The following ATG16L1 variants were observed in gnomAD, a reference collection of about 807,000 sequenced individuals.
ATG16L1 encodes autophagy-related protein 16-1.
In ATG16L1, 37 loss-of-function variants were observed where a neutral mutation model predicts 88.5. That is an observed-to-expected ratio of 0.42 (90% CI 0.32 to 0.55). ATG16L1 has a LOEUF of 0.55. Among genes scored for constraint, ATG16L1 ranks in the 20% least tolerant of loss-of-function variants. ATG16L1 has a pLI of 0.13. For missense variants in ATG16L1, 554 were observed against 752.8 expected (o/e 0.74, Z 3.09); for synonymous variants, 301 against 281.0 (o/e 1.07, Z -0.71).
At chr2:233,257,309 T>A (rs943981860) in intron 2 of ATG16L1, among the ~76,000 whole-genome samples, 1 of 151,886 alleles carries the variant, frequency 6.6e-6, no homozygotes, top group Non-Finnish European at 1.5e-5. Context: ...GATTACAGGC[T>A]TGAGCCACCG....
At chr2:233,254,792 A>G (rs1380463662) in intron 1 of ATG16L1, among the ~76,000 whole-genome samples, 1 of 152,072 alleles carries the variant, frequency 6.6e-6, no homozygotes, top group African/African-American at 2.4e-5. Context: ...TTCTCTTTTC[A>G]GGTATCAAAA....
rs2125297605 is a variant in ATG16L1 at position 233,290,449 on chromosome 2, G to T, written c.1430+96G>T. The T allele has an allele frequency of 8.0e-6, 8 of 1,003,998 alleles. No individual in the cohort carries two copies. The South Asian group carries it at 1.1e-4, about 13-fold the overall frequency. 62.2% of individuals were successfully genotyped at this position (1,003,998 alleles called of 1,614,324 possible). A position where few individuals can be genotyped will look rare whatever the true frequency, so the allele number is the denominator to read the frequency against. ...GCTTTTAAGATCTCAGGACATGGCA[G>T]AAATGAGTTTCGGTACACGTATAGT... On this transcript the variant is annotated intron_variant, in intron 14 of 17. Coordinates refer to ENST00000392017, the MANE Select transcript of ATG16L1 (RefSeq NM_030803.7).
intron 1 of ATG16L1, among the ~76,000 whole-genome samples, chr2:233,255,809 T>TA (rs1696737539): frequency 6.6e-6 from 1 of 152,228 alleles, no homozygotes; most frequent in Non-Finnish European, 1.5e-5. Flanking sequence ...TATGTCAACT[T>TA]ATGGTAAAGT....
At chr2:233,290,758 C>T (rs1329277009) in intron 14 of ATG16L1, among the ~76,000 whole-genome samples, 2 of 152,120 alleles carry the variant, frequency 1.3e-5, no homozygotes, top group African/African-American at 4.8e-5. Context: ...ATTCACACGG[C>T]AGGAAAGCCA....
At position 233,289,963 on chromosome 2, in the gene ATG16L1, G is replaced by A. The variant is rs1384387635; in HGVS notation, c.1313G>A (p.Arg438His). Residue 438 changes from arginine (R) to histidine (H), a missense_variant, in exon 13 of 18, where the codon CGC becomes CAC. Arg to His is a conservative substitution (Grantham distance 29). Coordinates refer to ENST00000392017, the MANE Select transcript of ATG16L1 (RefSeq NM_030803.7). ...HDRTLKLWDL[R>H]SKVCIKTVFA... The stretch of plus-strand genomic sequence containing the variant: ...CGGACTCTCAAACTCTGGGATCTAC[G>A]CAGCAAAGTCTGTGAGGAAATTCAG... 12 of 1,613,812 alleles carry A rather than the reference G, an allele frequency of 7.4e-6. No homozygotes were observed. The Admixed American group carries it at 1.3e-4, about 18-fold the overall frequency.
chr2:233,261,043 C>G (rs1697173041), intron 2 of ATG16L1, among the ~76,000 whole-genome samples: 1 of 152,222 alleles, frequency 6.6e-6, no homozygotes, highest in Admixed American at 6.5e-5. Context: ...GCAACCTCCG[C>G]CTTCCGGGTT....
intron 9 of ATG16L1, chr2:233,275,321 A>G (rs1223508043): frequency 1.3e-5 from 3 of 222,696 alleles, no homozygotes; most frequent in East Asian, 2.1e-4. Context: ...CAGCTGGGGT[A>G]GTTGAGCAGA....
chr2:233,256,182 A>G lies in ATG16L1; in HGVS notation c.196A>G (p.Arg66Gly). ...LQAEKHDVPN[R>G]HEISPGHDGT... ...GGCTGAAAAGCATGACGTACCAAAC[A>G]GGCACGAGATAAGGTATTTTGAAAC... Residue 66 changes from arginine to glycine, a missense_variant, in exon 2 of 18, where the codon AGG becomes GGG. Around this residue, in one of 5 missense-constraint regions of ATG16L1, gnomAD observed 101 missense variants for 107.0 expected, o/e 0.94. Coordinates refer to ENST00000392017, the MANE Select transcript of ATG16L1 (RefSeq NM_030803.7). 6 of 1,613,764 alleles carry G rather than the reference A, an allele frequency of 3.7e-6. No homozygotes were observed. The highest frequency in any genetic ancestry group is 4.2e-6 in the Non-Finnish European group (5 of 1,179,648).
rs1288204811 is a variant in ATG16L1, at chr2:233,264,977, A to G, written c.475A>G (p.Asn159Asp). Residue 159 changes from asparagine to aspartate, a missense_variant, in exon 5 of 18, where the codon AAC becomes GAC. Physicochemically the swap from Asn to Asp is conservative, Grantham distance 23. Coordinates refer to ENST00000392017, the MANE Select transcript of ATG16L1 (RefSeq NM_030803.7). ...RTKLCDLERA[N>D]QTLKDEYDAL... is the part of the protein sequence containing the mutation. ...TAAGCTTTGTGACCTTGAAAGAGCC[A>G]ACCAGACCCTGAAGGATGAATATGA... 1 of 1,614,074 alleles carries G rather than the reference A, an allele frequency of 6.2e-7. No homozygotes were observed. Among genetic ancestry groups the G allele is most frequent in the Non-Finnish European group, 8.5e-7 (1 of 1,180,028 alleles).
chr2:233,274,064 G>A lies in ATG16L1; in HGVS notation c.851+287G>A. 5.2e-6 allele frequency: 8 copies of A among 1,545,958 alleles called. No individual in the cohort carries two copies. In the South Asian group the frequency reaches 9.5e-5, roughly 18 times the overall value. The stretch of plus-strand genomic sequence containing the variant: ...CAGGTGAAACTATTATCCTCTCTTA[G>A]TCCAGCATGTGAGTGTGGGTCCTTA... On this transcript the variant is annotated intron_variant, in intron 8 of 17. Coordinates refer to ENST00000392017, the MANE Select transcript of ATG16L1 (RefSeq NM_030803.7).
rs1181170391 is a variant in ATG16L1, at chr2:233,295,073, T to A, written c.*723T>A. 6.6e-6 allele frequency: 1 copy of A among 152,522 alleles called. No individual in the cohort carries two copies. Among genetic ancestry groups the A allele is most frequent in the Non-Finnish European group, 1.5e-5 (1 of 68,056 alleles). The allele number at this position is 152,522 out of a possible 1,614,324, so 9.4% of individuals were successfully genotyped here. On this transcript the variant is annotated 3_prime_UTR_variant, in exon 18 of 18. Transcript: ENST00000392017. ...GGTTCGCTGCAGAGGTAAGGATGTG[T>A]TCCTGTATCGATCTGCAGACACCCA... is the stretch of plus-strand genomic sequence containing the variant.
At chr2:233,252,025 A>G in intron 1 of ATG16L1, 83 bp downstream of exon 1, 3 of 1,215,840 alleles carry the variant, frequency 2.5e-6, no homozygotes, top group Non-Finnish European at 2.2e-6. Context: ...CCTGAGGCCG[A>G]GTCCCTGGCG....
intron 13 of ATG16L1, 30 bp from the exon 14 acceptor site, chr2:233,290,218 C>T (rs1393636213): frequency 6.2e-7 from 1 of 1,607,618 alleles, no homozygotes; most frequent in East Asian, 2.2e-5. Context: ...GGTGCCTCTG[C>T]TTGATTAATG....
intron 14 of ATG16L1, among the ~76,000 whole-genome samples, chr2:233,291,665 C>G (rs929839845): frequency 6.6e-6 from 1 of 152,086 alleles, no homozygotes; most frequent in African/African-American, 2.4e-5. Flanking sequence ...CTTTCCTGGC[C>G]CCATATCTGG....
Position 233,263,286 on chromosome 2 carries a change from G to T in ATG16L1, c.315+51G>T, listed in dbSNP as rs770632538. ...GTCTTCTGCCCTCTATGAGAGTCCT[G>T]TGGGGAGCGGGGGAGCTCAGTCACT... On this transcript the variant is annotated intron_variant, in intron 3 of 17. Coordinates refer to ENST00000392017, the MANE Select transcript of ATG16L1 (RefSeq NM_030803.7). 5.2e-6 allele frequency: 8 copies of T among 1,538,992 alleles called. No homozygotes were observed. The South Asian group carries it at 9.2e-5, about 18-fold the overall frequency.
chr2:233,256,693 CTTTTTTT>C (rs1175941099), intron 2 of ATG16L1, among the ~76,000 whole-genome samples: 3 of 140,470 alleles, frequency 2.1e-5, no homozygotes, highest in Non-Finnish European at 4.7e-5. Context: ...TTTTCTTTTT[CTTTTTTT>C]TTTTTTTCTT....
At chr2:233,270,680 T>C (rs2125241780) in intron 6 of ATG16L1, among the ~76,000 whole-genome samples, 1 of 152,348 alleles carries the variant, frequency 6.6e-6, no homozygotes, top group African/African-American at 2.4e-5. Flanking sequence ...GTTTGTAACT[T>C]AAAGTGGAAA....
At chr2:233,289,107 A>G (rs1699277321) in intron 12 of ATG16L1, among the ~76,000 whole-genome samples, 1 of 152,242 alleles carries the variant, frequency 6.6e-6, no homozygotes, top group Non-Finnish European at 1.5e-5. Flanking sequence ...TTAATTTGAT[A>G]TAATTCAGAC....
intron 5 of ATG16L1, among the ~76,000 whole-genome samples, chr2:233,269,307 A>G (rs1278855228): frequency 1.3e-5 from 2 of 152,214 alleles, no homozygotes; most frequent in East Asian, 1.9e-4. Context: ...GTAATTAACA[A>G]TGTCAGGTAA....
Sources: gnomAD v4.1 joint callset for allele counts (sites outside exome capture counted in the v4.1 genomes callset) on GRCh38, gnomAD v4.1.1 for gene constraint, gnomAD v4.1.1 regional missense constraint, MANE v1.5 for transcripts, NCBI Gene and HGNC (gene_info 2026-07-23, HGNC 2026-07-21) for gene names.